PHKB: variants seen among roughly 807,000 people sequenced by gnomAD.
PHKB encodes phosphorylase kinase regulatory subunit beta.
Under a neutral mutation model 152.1 loss-of-function variants are expected in PHKB, and 122 were observed. The observed-to-expected ratio is 0.80, with a 90% CI of 0.69 to 0.93. The LOEUF (loss-of-function observed/expected upper bound fraction) is 0.93. PHKB is among the 40% of genes least tolerant of loss of function. PHKB has a pLI of 0.00. For missense variants in PHKB, 1,304 were observed against 1,328.4 expected, an observed-to-expected ratio of 0.98 and a Z score of 0.29; for synonymous variants, 436 against 464.9, an observed-to-expected ratio of 0.94 and a Z score of 0.80.
chr16:47,589,201 C>T, intron 10 of PHKB, 99 bp downstream of exon 10: 1 of 837,736 alleles, frequency 1.2e-6, no homozygotes, highest in Non-Finnish European at 1.9e-6. Context: ...CTGCTACTTA[C>T]TAGCTATGTG....
At chr16:47,641,174 T>G (rs937736020) in intron 15 of PHKB, 84 bp downstream of exon 15, 50 of 1,053,684 alleles carry the variant, frequency 4.7e-5, no homozygotes, top group Middle Eastern at 2.0e-4. Flanking sequence ...CAATATTGAT[T>G]ATGGTAGAAG....
intron 14 of PHKB, among the ~76,000 whole-genome samples, chr16:47,625,889 A>G (rs1261620556): frequency 1.3e-5 from 2 of 152,186 alleles, no homozygotes; most frequent in African/African-American, 2.4e-5. Flanking sequence ...CAATTCCCTG[A>G]GGCTAAGTTG....
At chr16:47,515,453 T>C in intron 5 of PHKB, 68 bp from the exon 6 acceptor site, 1 of 784,670 alleles carries the variant, frequency 1.3e-6, no homozygotes, top group Non-Finnish European at 2.3e-6. Flanking sequence ...ATTTTAGCCT[T>C]AATTGATTAA....
rs146513191 is a variant in PHKB, at chr16:47,499,288, C to T, written c.167-468C>T. Among the ~76,000 whole-genome samples, 133 of 152,292 alleles carry T rather than the reference C, an allele frequency of 8.7e-4. 1 individual carries two copies. Among genetic ancestry groups the T allele is most frequent in the African/African-American group, 2.9e-3 (119 of 41,556 alleles). On this transcript the variant is annotated intron_variant, in intron 2 of 30. Transcript: ENST00000323584. Reference sequence around the variant, plus strand: ...CCTGTTCTGTGATCTTCCCCTCGCCCTTCCTACATTGTTGATCATTTACTG... The same window carrying T: ...CCTGTTCTGTGATCTTCCCCTCGCCTTTCCTACATTGTTGATCATTTACTG...
chr16:47,634,181 A>G (rs1567335386), intron 14 of PHKB, among the ~76,000 whole-genome samples: 1 of 152,266 alleles, frequency 6.6e-6, no homozygotes, highest in Non-Finnish European at 1.5e-5. Context: ...AGGAAACTGC[A>G]GCTTATTGAG....
At chr16:47,675,517 ACACT>A (rs775376082) in intron 26 of PHKB, 3,222 of 143,936 alleles carry the variant, frequency 0.022, 27 homozygotes, top group Middle Eastern at 0.035. Flanking sequence ...ACACACACAC[ACACT>A]CTCTCTCTCT....
At chr16:47,593,697 T>C (rs1972070980) in intron 11 of PHKB, 140 bp downstream of exon 11, 5 of 672,086 alleles carry the variant, frequency 7.4e-6, no homozygotes, top group African/African-American at 7.2e-5. Flanking sequence ...GTGATGTTAA[T>C]TGCCCTGCAT....
chr16:47,647,718 C>T (rs988887702), intron 16 of PHKB, among the ~76,000 whole-genome samples: 7 of 151,576 alleles, frequency 4.6e-5, no homozygotes, highest in Admixed American at 3.9e-4. Flanking sequence ...AGGGTGGTCT[C>T]GATCTCCTGA....
intron 13 of PHKB, among the ~76,000 whole-genome samples, chr16:47,598,295 C>T (rs1972158568): frequency 6.6e-6 from 1 of 152,048 alleles, no homozygotes; most frequent in South Asian, 2.1e-4. Flanking sequence ...TTTTCTTCTT[C>T]CAGATAACTT....
Position 47,598,661 on chromosome 16 carries a change from G to T in PHKB, c.1363+2130G>T. On this transcript the variant is annotated intron_variant, in intron 13 of 30. Coordinates refer to ENST00000323584, the MANE Select transcript of PHKB (RefSeq NM_000293.3). ...CCAAAGTCACTTAATAATTATATTG[G>T]CCATTTCCACTGATCGGCAGGAGGC... The T allele has an allele frequency of 2.6e-6, 4 of 1,520,682 alleles. No homozygotes were observed. In the South Asian group the frequency reaches 4.5e-5, roughly 17 times the overall value. The allele number at this position is 1,520,682 out of a possible 1,614,324, so 94.2% of individuals were successfully genotyped here. A position where few individuals can be genotyped will look rare whatever the true frequency, so the allele number is the denominator to read the frequency against.
At chr16:47,530,420 G>A (rs959357854) in intron 6 of PHKB, among the ~76,000 whole-genome samples, 2 of 152,110 alleles carry the variant, frequency 1.3e-5, no homozygotes, top group African/African-American at 4.8e-5. Context: ...CCAAAGTGCT[G>A]GGATTACAGG....
chr16:47,531,361 C>T (rs1194491316), intron 6 of PHKB, among the ~76,000 whole-genome samples: 3 of 152,172 alleles, frequency 2.0e-5, no homozygotes, highest in Non-Finnish European at 1.5e-5. Context: ...TTTTTGATCT[C>T]AAGGTCCTTT....
At chr16:47,592,326 C>T (rs1972042758) in intron 10 of PHKB, among the ~76,000 whole-genome samples, 1 of 152,240 alleles carries the variant, frequency 6.6e-6, no homozygotes, top group Admixed American at 6.5e-5. Flanking sequence ...AAAGTCTTAG[C>T]TACTTAGCAT....
At chr16:47,606,560 TTTTG>T (rs1398163152) in intron 13 of PHKB, among the ~76,000 whole-genome samples, 1 of 152,216 alleles carries the variant, frequency 6.6e-6, no homozygotes, top group African/African-American at 2.4e-5. Context: ...TTGTTTTTGT[TTTTG>T]TTCAATTAAT....
In PHKB at chr16:47,475,851, C is replaced by T. The variant is rs552613792; in HGVS notation, c.76+14425C>T. 4.6e-5 allele frequency among the ~76,000 whole-genome samples: 7 copies of T among 152,222 alleles called. No individual in the cohort carries two copies. In the South Asian group the frequency reaches 1.5e-3, roughly 32 times the overall value. On this transcript the variant is annotated intron_variant, in intron 1 of 30. Transcript: ENST00000323584. ...CCTGTTCAAATTGAGCCCCTTTTAACTGTGGCTTATATAAACATGTTTATT... is the reference window on the plus strand; with the variant it reads ...CCTGTTCAAATTGAGCCCCTTTTAATTGTGGCTTATATAAACATGTTTATT...
At chr16:47,475,653 C>T (rs1175535081) in intron 1 of PHKB, among the ~76,000 whole-genome samples, 3 of 152,148 alleles carry the variant, frequency 2.0e-5, no homozygotes, top group Non-Finnish European at 4.4e-5. Context: ...CATTTGGTGA[C>T]ATTTCTCTTA....
chr16:47,633,139 G>A (rs1176593218), intron 14 of PHKB, among the ~76,000 whole-genome samples: 5 of 152,032 alleles, frequency 3.3e-5, no homozygotes. Context: ...ACAGGGTTTT[G>A]GTCCTAAACC....
chr16:47,672,629 C>T (rs1342390991), intron 26 of PHKB, among the ~76,000 whole-genome samples: 1 of 152,118 alleles, frequency 6.6e-6, no homozygotes, highest in Non-Finnish European at 1.5e-5. Context: ...CAAGATTTTA[C>T]ACTGCTGTGT....
rs377453169 is a variant in PHKB, at chr16:47,527,987, T to G, written c.594+12386T>G. On this transcript the variant is annotated intron_variant, in intron 6 of 30. Coordinates refer to ENST00000323584, the MANE Select transcript of PHKB (RefSeq NM_000293.3). ...TGTGGAAAGAGAAATTTCTGTTACT[T>G]AAGCCACACGGACTATGGTATTTTA... 2.6e-5 allele frequency among the ~76,000 whole-genome samples: 4 copies of G among 152,176 alleles called. No homozygotes were observed. The East Asian group carries it at 7.7e-4, about 29-fold the overall frequency.
Sources: gnomAD v4.1 joint callset for allele counts (sites outside exome capture counted in the v4.1 genomes callset) on GRCh38, gnomAD v4.1.1 for gene constraint, MANE v1.5 for transcripts, NCBI Gene and HGNC (gene_info 2026-07-23, HGNC 2026-07-21) for gene names.